Variants in RAB11FIP3 observed in about 807,000 individuals in gnomAD.
The protein encoded by RAB11FIP3 is RAB11 family interacting protein 3.
In RAB11FIP3, 17 loss-of-function variants were observed where a neutral mutation model predicts 77.8. The observed-to-expected ratio is 0.22, with a 90% CI of 0.15 to 0.33. The LOEUF (loss-of-function observed/expected upper bound fraction) is 0.33. RAB11FIP3 is among the 10% of genes least tolerant of loss of function. The pLI, the probability that RAB11FIP3 is intolerant of heterozygous loss-of-function variation, is 1.00. For synonymous variants in RAB11FIP3, 437 were observed against 448.2 expected (o/e 0.98, Z 0.31); for missense variants, 1,005 against 1,011.2 (o/e 0.99, Z 0.08).
At chr16:450,943 C>T (rs1428163303) in intron 1 of RAB11FIP3, among the ~76,000 whole-genome samples, 6 of 151,696 alleles carry the variant, frequency 4.0e-5, no homozygotes, top group African/African-American at 1.5e-4. Context: ...AGGAGCCCCG[C>T]GGCCTTCTGT....
At chr16:498,948 C>T (rs1226780104) in intron 6 of RAB11FIP3, among the ~76,000 whole-genome samples, 3 of 152,140 alleles carry the variant, frequency 2.0e-5, no homozygotes, top group Admixed American at 1.3e-4. Flanking sequence ...TAGTAGGTCA[C>T]GCCTGTAATC....
At chr16:479,547 A>C (rs567931368) in intron 3 of RAB11FIP3, among the ~76,000 whole-genome samples, 1 of 152,208 alleles carries the variant, frequency 6.6e-6, no homozygotes, top group East Asian at 1.9e-4. Flanking sequence ...ATCAACAAAC[A>C]AACAAACAAC....
chr16:498,611 C>T (rs1318428208), intron 6 of RAB11FIP3, among the ~76,000 whole-genome samples: 1 of 152,160 alleles, frequency 6.6e-6, no homozygotes, highest in East Asian at 1.9e-4. Context: ...CCAGACCTCC[C>T]AAGCTCAAAT....
At chr16:441,084 G>A (rs772361663) in intron 1 of RAB11FIP3, among the ~76,000 whole-genome samples, 6 of 152,166 alleles carry the variant, frequency 3.9e-5, no homozygotes, top group Non-Finnish European at 2.9e-5. Context: ...GGGATGACAG[G>A]TACCTGCCAC....
intron 10 of RAB11FIP3, 36 bp from the exon 11 acceptor site, chr16:519,718 G>A (rs963947509): frequency 8.7e-6 from 14 of 1,605,292 alleles, no homozygotes; most frequent in Middle Eastern, 1.8e-4. Flanking sequence ...AGGTAGGTGC[G>A]TGACCCGCAT....
rs567083503 is a variant in RAB11FIP3 at position 437,229 on chromosome 16, G to T, written c.714+10509G>T. ...GGAGGCGGGGGTTGCAGTGAGGCAA[G>T]ATCGCGCCACTGCACTCCAGCCTGG... On this transcript the variant is annotated intron_variant, in intron 1 of 13. Coordinates refer to ENST00000262305, the MANE Select transcript of RAB11FIP3 (RefSeq NM_014700.4). Among the ~76,000 whole-genome samples the T allele has an allele frequency of 7.9e-5, 12 of 151,944 alleles. No homozygotes were observed. In the East Asian group the frequency reaches 1.9e-3, roughly 25 times the overall value.
At chr16:427,984 C>A (rs1296881716) in intron 1 of RAB11FIP3, among the ~76,000 whole-genome samples, 1 of 152,000 alleles carries the variant, frequency 6.6e-6, no homozygotes, top group Non-Finnish European at 1.5e-5. Context: ...ACCTGTACTC[C>A]TAGCTACTCG....
intron 5 of RAB11FIP3, among the ~76,000 whole-genome samples, chr16:492,751 G>A (rs1230631198): frequency 6.6e-6 from 1 of 152,164 alleles, no homozygotes; most frequent in Non-Finnish European, 1.5e-5. Context: ...AAGTAAGCCT[G>A]AAGACTCAGG....
At chr16:431,493 C>A (rs2055035456) in intron 1 of RAB11FIP3, among the ~76,000 whole-genome samples, 1 of 151,762 alleles carries the variant, frequency 6.6e-6, no homozygotes, top group East Asian at 1.9e-4. Flanking sequence ...GATTGTCTTG[C>A]CTGAGTCTCC....
At chr16:491,406 C>A in intron 5 of RAB11FIP3, 2 of 892,462 alleles carry the variant, frequency 2.2e-6, no homozygotes, top group Non-Finnish European at 3.0e-6. Context: ...GCCCCGCCTC[C>A]CACCCTGCAC....
chr16:503,442 G>A lies in RAB11FIP3; in HGVS notation c.1395+345G>A, dbSNP rs575300809. Among the ~76,000 whole-genome samples the A allele has an allele frequency of 1.2e-4, 19 of 152,248 alleles. No homozygotes were observed. The East Asian group carries it at 2.5e-3, about 20-fold the overall frequency. On this transcript the variant is annotated intron_variant, in intron 7 of 13. Coordinates refer to ENST00000262305, the MANE Select transcript of RAB11FIP3 (RefSeq NM_014700.4). ...TTCAGTCCACCAGGCCCATGGAGAC[G>A]CGACCTGGGGCACCCATGATTTGGG...
At chr16:478,638 A>G (rs982672615) in intron 3 of RAB11FIP3, among the ~76,000 whole-genome samples, 1 of 152,214 alleles carries the variant, frequency 6.6e-6, no homozygotes, top group Non-Finnish European at 1.5e-5. Flanking sequence ...TTTCCTAACC[A>G]GCAATTTCAT....
chr16:503,030 C>A lies in RAB11FIP3; in HGVS notation c.1328C>A (p.Thr443Asn). 6.2e-7 allele frequency: 1 copy of A among 1,612,956 alleles called. No individual in the cohort carries two copies. Among genetic ancestry groups the A allele is most frequent in the Non-Finnish European group, 8.5e-7 (1 of 1,179,544 alleles). ...ARYLHQSGAL[T>N]MEALEDPSPE... ...TACCTGCACCAGTCAGGGGCCCTGA[C>A]CATGGAGGCCCTGGAGGACCCTTCC... Residue 443 changes from threonine to asparagine, a missense_variant, in exon 7 of 14, where the codon ACC becomes AAC. Thr to Asn is a moderately conservative substitution (Grantham distance 65). This residue lies in a region of RAB11FIP3 where 433 missense variants were observed against 436.1 expected (regional missense o/e 0.99). Transcript: ENST00000262305.
intron 8 of RAB11FIP3, among the ~76,000 whole-genome samples, chr16:510,062 C>T (rs1039597950): frequency 1.3e-5 from 2 of 151,872 alleles, no homozygotes; most frequent in African/African-American, 4.8e-5. Flanking sequence ...TCTGAGCGCA[C>T]GCGTTGTGTG....
At chr16:478,072 A>C (rs2055956403) in intron 3 of RAB11FIP3, among the ~76,000 whole-genome samples, 1 of 152,228 alleles carries the variant, frequency 6.6e-6, no homozygotes, top group Non-Finnish European at 1.5e-5. Context: ...GCCTCCCGCA[A>C]GTGCGCCAGG....
chr16:441,609 AT>A (rs999357207), intron 1 of RAB11FIP3, among the ~76,000 whole-genome samples: 2 of 152,148 alleles, frequency 1.3e-5, no homozygotes, highest in Admixed American at 6.6e-5. Context: ...GCGGACCCTA[AT>A]GTGCACAGGG....
intron 9 of RAB11FIP3, 63 bp from the exon 10 acceptor site, chr16:518,880 G>A: frequency 1.9e-6 from 3 of 1,558,962 alleles, no homozygotes; most frequent in South Asian, 1.1e-5. Flanking sequence ...GAGACACAGG[G>A]CACACTGGCC....
chr16:443,766 A>T (rs184930956), intron 1 of RAB11FIP3, among the ~76,000 whole-genome samples: 5 of 152,142 alleles, frequency 3.3e-5, no homozygotes, highest in Non-Finnish European at 7.3e-5. Flanking sequence ...GGGTTTCACC[A>T]TGTTAGCCAG....
At chr16:437,617 A>G (rs2055152376) in intron 1 of RAB11FIP3, among the ~76,000 whole-genome samples, 1 of 151,664 alleles carries the variant, frequency 6.6e-6, no homozygotes, top group Non-Finnish European at 1.5e-5. Flanking sequence ...GAATCTCCCA[A>G]CCCAAAGAAG....
Sources: gnomAD v4.1 joint callset for allele counts (sites outside exome capture counted in the v4.1 genomes callset) on GRCh38, gnomAD v4.1.1 for gene constraint, gnomAD v4.1.1 regional missense constraint, MANE v1.5 for transcripts, NCBI Gene and HGNC (gene_info 2026-07-23, HGNC 2026-07-21) for gene names.